The following CCDC7 variants were observed in gnomAD, a reference collection of about 807,000 sequenced individuals.
CCDC7 encodes coiled-coil domain containing 7, also known as coiled-coil domain-containing protein 7.
Under a neutral mutation model 196.9 loss-of-function variants are expected in CCDC7, and 183 were observed. The ratio of observed to expected loss-of-function variants is 0.93; its 90% CI spans 0.82 to 1.05. CCDC7 has a LOEUF of 1.05. CCDC7 is among the 50% of genes least tolerant of loss of function. The probability of loss-of-function intolerance (pLI) is 0.00; values close to 1 mark genes in which losing one functional copy is unlikely to be tolerated. For synonymous variants in CCDC7, 525 were observed against 484.6 expected, an observed-to-expected ratio of 1.08 and a Z score of -1.10; for missense variants, 1,540 against 1,482.2, an observed-to-expected ratio of 1.04 and a Z score of -0.64.
At chr10:32,796,821 A>T (rs545370501) in intron 29 of CCDC7, among the ~76,000 whole-genome samples, 1 of 152,314 alleles carries the variant, frequency 6.6e-6, no homozygotes, top group African/African-American at 2.4e-5. Context: ...GGATGACCCA[A>T]ATTTATAAGT....
At chr10:32,511,774 C>G in intron 9 of CCDC7, 1 of 1,465,884 alleles carries the variant, frequency 6.8e-7, no homozygotes, top group Non-Finnish European at 9.5e-7. Flanking sequence ...CTCCAGCCTC[C>G]CGGAAAGCGG....
chr10:32,877,671 T>C (rs2094636618), downstream of CCDC7, among the ~76,000 whole-genome samples: 1 of 152,162 alleles, frequency 6.6e-6, no homozygotes, highest in Non-Finnish European at 1.5e-5. Flanking sequence ...GAGGAAGTTT[T>C]ATTTTCACTG....
chr10:32,755,191 C>G (rs1198621217), intron 28 of CCDC7, among the ~76,000 whole-genome samples: 1 of 152,190 alleles, frequency 6.6e-6, no homozygotes, highest in Non-Finnish European at 1.5e-5. Flanking sequence ...CCTCTGGGGG[C>G]AGGGTAGAGC....
At chr10:32,649,815 T>C (rs1345890067) in intron 20 of CCDC7, among the ~76,000 whole-genome samples, 2 of 152,242 alleles carry the variant, frequency 1.3e-5, no homozygotes, top group Non-Finnish European at 2.9e-5. Flanking sequence ...TGTTAATACT[T>C]CTGATTGTAT....
chr10:32,868,433 A>G (rs1256095396), intron 41 of CCDC7, among the ~76,000 whole-genome samples: 1 of 151,954 alleles, frequency 6.6e-6, no homozygotes, highest in Non-Finnish European at 1.5e-5. Context: ...CAATTCTCAT[A>G]TGGATCTAAG....
intron 10 of CCDC7, 119 bp from the exon 12 acceptor site, chr10:32,518,297 A>G: frequency 1.8e-6 from 2 of 1,091,442 alleles, no homozygotes; most frequent in Non-Finnish European, 2.5e-6. Context: ...ACTGATATCA[A>G]TGTTTCATTC....
At chr10:32,704,879 G>A (rs959969771) in intron 24 of CCDC7, among the ~76,000 whole-genome samples, 1 of 152,114 alleles carries the variant, frequency 6.6e-6, no homozygotes, top group Non-Finnish European at 1.5e-5. Flanking sequence ...GTATTAGGTT[G>A]GGAGTGACTC....
intron 18 of CCDC7, among the ~76,000 whole-genome samples, chr10:32,592,470 A>G (rs1318877163): frequency 6.6e-6 from 1 of 151,764 alleles, no homozygotes; most frequent in Non-Finnish European, 1.5e-5. Flanking sequence ...ACAGCTCTAA[A>G]TTTCATTTTT....
At chr10:32,718,830 C>T (rs1565275527) in intron 25 of CCDC7, among the ~76,000 whole-genome samples, 1 of 152,096 alleles carries the variant, frequency 6.6e-6, no homozygotes, top group Non-Finnish European at 1.5e-5. Flanking sequence ...TGTAAAGGAC[C>T]TCTTCAAGGA....
At chr10:32,676,831 A>T (rs929115501) in intron 21 of CCDC7, among the ~76,000 whole-genome samples, 1 of 152,182 alleles carries the variant, frequency 6.6e-6, no homozygotes, top group African/African-American at 2.4e-5. Flanking sequence ...AGGGATCTAG[A>T]ACTAGAAATA....
intron 3 of CCDC7, among the ~76,000 whole-genome samples, chr10:32,457,825 T>C (rs1161458817): frequency 6.6e-6 from 1 of 152,204 alleles, no homozygotes; most frequent in Non-Finnish European, 1.5e-5. Flanking sequence ...GCCATTTGTG[T>C]ATCTTTCTTT....
intron 8 of CCDC7, among the ~76,000 whole-genome samples, 186 bp from the exon 10 acceptor site, chr10:32,491,736 C>T (rs554510259): frequency 6.6e-6 from 1 of 152,176 alleles, no homozygotes; most frequent in African/African-American, 2.4e-5. Flanking sequence ...GTGATTTGCA[C>T]ATAATAGGTG....
chr10:32,813,295 T>A (rs2087597484), intron 30 of CCDC7, among the ~76,000 whole-genome samples: 1 of 152,186 alleles, frequency 6.6e-6, no homozygotes, highest in Admixed American at 6.5e-5. Context: ...TACGTTTTTA[T>A]CTCATTGAAC....
intron 12 of CCDC7, 150 bp from the exon 14 acceptor site, chr10:32,544,097 G>A: frequency 3.6e-6 from 2 of 550,382 alleles, no homozygotes; most frequent in Non-Finnish European, 6.2e-6. Context: ...TTGTAATTTA[G>A]CCTGTATGAA....
chr10:32,771,305 A>T (rs534835814), intron 28 of CCDC7, among the ~76,000 whole-genome samples: 1 of 152,068 alleles, frequency 6.6e-6, no homozygotes, highest in South Asian at 2.1e-4. Flanking sequence ...AAATGACTTT[A>T]TTTCTTCTTC....
intron 20 of CCDC7, among the ~76,000 whole-genome samples, chr10:32,660,046 A>G (rs2070932461): frequency 1.3e-5 from 2 of 152,074 alleles, no homozygotes; most frequent in Admixed American, 6.6e-5. Flanking sequence ...TTTGGTGCTC[A>G]CTGCTTTTTG....
chr10:32,838,696 G>A (rs1328920652), intron 33 of CCDC7, among the ~76,000 whole-genome samples: 1 of 151,958 alleles, frequency 6.6e-6, no homozygotes, highest in African/African-American at 2.4e-5. Context: ...GTTATCTAAA[G>A]TCAAGATAAA....
rs2090830222 is a variant in CCDC7, at chr10:32,824,606, T to G, written c.3268+2T>G. 6.3e-7 allele frequency: 1 copy of G among 1,593,522 alleles called. No homozygotes were observed. The highest frequency in any genetic ancestry group is 1.3e-5 in the African/African-American group (1 of 74,334). On this transcript the variant is annotated splice_donor_variant, in intron 32 of 41. Transcript: ENST00000639629. LOFTEE classifies it high-confidence loss of function. ...AGTTAAAGAGAAAGAGTTACCCTGGTAAGAATAAGAATTTTTAAAATCTAC... is the reference window on the plus strand; with the variant it reads ...AGTTAAAGAGAAAGAGTTACCCTGGGAAGAATAAGAATTTTTAAAATCTAC...
intron 20 of CCDC7, among the ~76,000 whole-genome samples, chr10:32,636,541 C>G (rs1419918735): frequency 1.3e-5 from 2 of 152,130 alleles, no homozygotes; most frequent in African/African-American, 2.4e-5. Flanking sequence ...ATCCATGTCC[C>G]TATAAAGGAC....
Sources: gnomAD v4.1 joint callset for allele counts (sites outside exome capture counted in the v4.1 genomes callset) on GRCh38, gnomAD v4.1.1 for gene constraint, MANE v1.5 for transcripts, NCBI Gene and HGNC (gene_info 2026-07-23, HGNC 2026-07-21) for gene names.